The following FAM53B variants were observed in gnomAD, a reference collection of about 807,000 sequenced individuals.
The protein encoded by FAM53B is protein FAM53B.
Under a neutral mutation model 32.7 loss-of-function variants are expected in FAM53B, and 12 were observed. That is an observed-to-expected ratio of 0.37 (90% CI 0.24 to 0.59). FAM53B has a LOEUF of 0.59. Among genes scored for constraint, FAM53B ranks in the 20% least tolerant of loss-of-function variants. FAM53B has a pLI of 0.72. For synonymous variants in FAM53B, 234 were observed against 228.7 expected (o/e 1.02, Z -0.21); for missense variants, 477 against 577.7 (o/e 0.83, Z 1.79).
chr10:124,640,865 G>A (rs1448396859), intron 4 of FAM53B, among the ~76,000 whole-genome samples: 1 of 152,242 alleles, frequency 6.6e-6, no homozygotes, highest in Non-Finnish European at 1.5e-5. Flanking sequence ...CCCCGCTGCG[G>A]CAGAGCAGAG....
At chr10:124,664,111 C>T (rs34410705) in intron 4 of FAM53B, among the ~76,000 whole-genome samples, 36,627 of 152,036 alleles carry the variant, frequency 0.24, 5,699 homozygotes, top group Middle Eastern at 0.33. Flanking sequence ...CAGGCCTCAC[C>T]TGGCCAAGAC....
chr10:124,646,798 T>G (rs977990776), intron 4 of FAM53B, among the ~76,000 whole-genome samples: 2 of 152,220 alleles, frequency 1.3e-5, no homozygotes, highest in Admixed American at 6.5e-5. Flanking sequence ...GAAGCAGCCA[T>G]GATGGATGCC....
intron 4 of FAM53B, chr10:124,671,040 G>A (rs959005679): frequency 2.1e-5 from 9 of 420,948 alleles, no homozygotes; most frequent in African/African-American, 4.0e-5. Context: ...GCTGGAGAAC[G>A]TTAGACAGCG....
At chr10:124,664,164 T>C (rs1949651411) in intron 4 of FAM53B, among the ~76,000 whole-genome samples, 1 of 152,136 alleles carries the variant, frequency 6.6e-6, no homozygotes, top group South Asian at 2.1e-4. Flanking sequence ...TGAGAAGGGA[T>C]GGAGCTTGCA....
chr10:124,696,385 C>A (rs1949870436), intron 2 of FAM53B, among the ~76,000 whole-genome samples, 173 bp from the exon 3 acceptor site: 1 of 152,110 alleles, frequency 6.6e-6, no homozygotes, highest in Non-Finnish European at 1.5e-5. Flanking sequence ...AAAATTAGGC[C>A]CAGATTTTTT....
chr10:124,681,844 C>T lies in FAM53B; in HGVS notation c.669G>A (p.Leu223=). The change falls in exon 4 of 5, where the codon CTG becomes CTA. Residue 223 remains leucine, a synonymous_variant. Coordinates refer to ENST00000337318, the MANE Select transcript of FAM53B (RefSeq NM_014661.4). The part of the protein sequence containing the change: ...PDLHPVGGGR[L]DLQRSLSCSH... Reference sequence around the variant, plus strand: ...AGCAAGAGAGGGACCGCTGCAGGTCCAGCCGGCCTCCTCCCACGGGGTGCA... The same window carrying T: ...AGCAAGAGAGGGACCGCTGCAGGTCTAGCCGGCCTCCTCCCACGGGGTGCA... 6.2e-7 allele frequency: 1 copy of T among 1,612,290 alleles called. No individual in the cohort carries two copies.
intron 2 of FAM53B, among the ~76,000 whole-genome samples, chr10:124,698,147 G>A (rs74759259): frequency 0.012 from 1,840 of 152,306 alleles, 16 homozygotes; most frequent in Non-Finnish European, 0.019. Flanking sequence ...CCAGCACTAA[G>A]GGAACACCTG....
intron 2 of FAM53B, among the ~76,000 whole-genome samples, chr10:124,699,371 T>C (rs556542083): frequency 3.9e-5 from 6 of 152,240 alleles, no homozygotes; most frequent in Non-Finnish European, 5.9e-5. Flanking sequence ...CCAAAATCGC[T>C]GGCCTCACGC....
At chr10:124,626,396 C>CA (rs963839764) in intron 4 of FAM53B, among the ~76,000 whole-genome samples, 1 of 146,692 alleles carries the variant, frequency 6.8e-6, no homozygotes, top group Non-Finnish European at 1.5e-5. Flanking sequence ...GTGCCCCCCC[C>CA]CCCCCCACCA....
intron 4 of FAM53B, among the ~76,000 whole-genome samples, chr10:124,636,780 C>T (rs976128021): frequency 3.3e-5 from 5 of 151,766 alleles, no homozygotes; most frequent in East Asian, 1.9e-4. Context: ...CCTCGGTGGC[C>T]GCAGGACACA....
At chr10:124,643,341 G>A (rs186287319) in intron 4 of FAM53B, among the ~76,000 whole-genome samples, 2 of 152,350 alleles carry the variant, frequency 1.3e-5, no homozygotes, top group East Asian at 1.9e-4. Context: ...CAGGCGGCTC[G>A]GCAGGGCCCT....
rs1225225360 is a variant in FAM53B, at chr10:124,621,527, A to T, written c.*1715T>A. ...ACCCCATGTGTCAGCCACCTGAGCT[A>T]GCAACACCATCTCTCAGGGCTGTGG... is the stretch of plus-strand genomic sequence containing the variant. On this transcript the variant is annotated 3_prime_UTR_variant, in exon 5 of 5. Transcript: ENST00000337318. 1 of 152,202 alleles carries T rather than the reference A, an allele frequency of 6.6e-6. No homozygotes were observed. Among genetic ancestry groups the T allele is most frequent in the Non-Finnish European group, 1.5e-5 (1 of 68,028 alleles). The allele number at this position is 152,202 out of a possible 1,614,324, so 9.4% of individuals were successfully genotyped here. A position where few individuals can be genotyped will look rare whatever the true frequency, so the allele number is the denominator to read the frequency against.
rs1389711064 is a variant in FAM53B, at chr10:124,621,829, T to C, written c.*1413A>G. The C allele has an allele frequency of 1.3e-5, 2 of 152,324 alleles. No individual in the cohort carries two copies. Among genetic ancestry groups the C allele is most frequent in the African/African-American group, 2.4e-5 (1 of 41,454 alleles). 9.4% of individuals were successfully genotyped at this position (152,324 alleles called of 1,614,324 possible). A position where few individuals can be genotyped will look rare whatever the true frequency, so the allele number is the denominator to read the frequency against. ...CAGCCAACACAAGGGAGCGCACCAGTTATTTTTAGCCTTATGGGAAAATGA... is the reference window on the plus strand; with the variant it reads ...CAGCCAACACAAGGGAGCGCACCAGCTATTTTTAGCCTTATGGGAAAATGA... On this transcript the variant is annotated 3_prime_UTR_variant, in exon 5 of 5. Coordinates refer to ENST00000337318, the MANE Select transcript of FAM53B (RefSeq NM_014661.4).
At chr10:124,663,659 G>A (rs750844374) in intron 4 of FAM53B, among the ~76,000 whole-genome samples, 2 of 152,212 alleles carry the variant, frequency 1.3e-5, no homozygotes, top group Non-Finnish European at 2.9e-5. Context: ...CCATCGTGCT[G>A]CCAGGTGATG....
intron 4 of FAM53B, among the ~76,000 whole-genome samples, chr10:124,636,073 C>T (rs990087892): frequency 1.3e-5 from 2 of 151,946 alleles, no homozygotes; most frequent in African/African-American, 2.4e-5. Context: ...ATGTACTGTC[C>T]GAAAATGAAA....
At chr10:124,667,343 GT>G in intron 4 of FAM53B, 1 of 730,312 alleles carries the variant, frequency 1.4e-6, no homozygotes, top group Non-Finnish European at 2.5e-6. Context: ...TTGAGTTCTG[GT>G]TTCACTGGAC....
chr10:124,718,859 C>T (rs908308329), intron 1 of FAM53B, among the ~76,000 whole-genome samples: 1 of 152,146 alleles, frequency 6.6e-6, no homozygotes, highest in African/African-American at 2.4e-5. Context: ...ACCAGCTGGG[C>T]AACATGGAGA....
chr10:124,676,981 C>T (rs1258625290), intron 4 of FAM53B, among the ~76,000 whole-genome samples: 2 of 152,170 alleles, frequency 1.3e-5, no homozygotes, highest in Non-Finnish European at 2.9e-5. Flanking sequence ...GTTTCGACAT[C>T]CCGACCCCTC....
chr10:124,706,794 C>T lies in FAM53B; in HGVS notation c.-81G>A, dbSNP rs1949962387. ...TTGGGCAGACTTGGGGTGAGTACCT[C>T]CTGGGGAATTGATGTCAGCAGAAAC... is the stretch of plus-strand genomic sequence containing the variant. On this transcript the variant is annotated 5_prime_UTR_variant, in exon 2 of 5. Coordinates refer to ENST00000337318, the MANE Select transcript of FAM53B (RefSeq NM_014661.4). The T allele has an allele frequency of 1.2e-6, 2 of 1,602,396 alleles. No individual in the cohort carries two copies. The highest frequency in any genetic ancestry group is 2.2e-5 in the South Asian group (2 of 90,692).
Sources: allele counts gnomAD v4.1 joint callset (sites outside exome capture counted in the v4.1 genomes callset), GRCh38; gene constraint gnomAD v4.1.1; transcripts MANE v1.5; gene names NCBI Gene and HGNC (gene_info 2026-07-23, HGNC 2026-07-21).